The following BRI3 variants were observed in gnomAD, a reference collection of about 807,000 sequenced individuals.
BRI3 encodes the protein membrane protein BRI3.
Under a neutral mutation model 12.8 loss-of-function variants are expected in BRI3, and 6 were observed. The observed-to-expected ratio is 0.47, with a 90% CI of 0.26 to 0.93. BRI3 has a LOEUF of 0.93. Ranked by LOEUF, BRI3 falls within the 40% of genes least tolerant of loss-of-function variation. The pLI is 0.15. For missense variants in BRI3, 134 were observed against 171.1 expected (o/e 0.78, Z 1.21); for synonymous variants, 91 against 76.1 (o/e 1.20, Z -1.02).
chr7:98,295,834 C>T (rs1800166412), downstream of BRI3, among the ~76,000 whole-genome samples: 1 of 152,192 alleles, frequency 6.6e-6, no homozygotes, highest in Non-Finnish European at 1.5e-5. Context: ...CCAGTAAATC[C>T]TCACAAAGAA....
At chr7:98,282,295 C>T (rs572872033) in intron 1 of BRI3, 56 bp from the exon 2 acceptor site, 2 of 1,416,994 alleles carry the variant, frequency 1.4e-6, no homozygotes, top group African/African-American at 1.4e-5. Flanking sequence ...GAGTAGTCCC[C>T]GTGGCGGTCC....
chr7:98,287,467 A>G (rs780569353), intron 2 of BRI3, among the ~76,000 whole-genome samples: 16 of 152,112 alleles, frequency 1.1e-4, no homozygotes, highest in Non-Finnish European at 1.6e-4. Context: ...GGGTCAGCAC[A>G]TTAGGTTTGG....
chr7:98,294,168 T>C (rs1800088035), downstream of BRI3: 5 of 1,569,946 alleles, frequency 3.2e-6, no homozygotes, highest in Non-Finnish European at 4.4e-6. Flanking sequence ...TTAAAAATTA[T>C]TTTAGGTAGA....
At chr7:98,286,963 A>G (rs1799730507) in intron 2 of BRI3, among the ~76,000 whole-genome samples, 1 of 152,124 alleles carries the variant, frequency 6.6e-6, no homozygotes, top group African/African-American at 2.4e-5. Flanking sequence ...CCTGGGGGGT[A>G]GGGAATGCTG....
chr7:98,316,669 C>A, the BRI3 span, among the ~76,000 whole-genome samples: 2 of 152,124 alleles, frequency 1.3e-5, no homozygotes, highest in East Asian at 3.9e-4. Context: ...TGAAATAATG[C>A]ATCGCTGTTA....
chr7:98,310,302 C>G lies in BRI3; in HGVS notation n.2932C>G. 4.6e-6 allele frequency: 4 copies of G among 866,860 alleles called. No individual in the cohort carries two copies. The South Asian group carries it at 7.5e-5, about 16-fold the overall frequency. 53.7% of individuals were successfully genotyped at this position (866,860 alleles called of 1,614,324 possible). A position where few individuals can be genotyped will look rare whatever the true frequency, so the allele number is the denominator to read the frequency against. ...GTATTTCTTCTGAACTCACGCTCTG[C>G]AAAGCCAGGGCTGAATGTATCTACC... On this transcript the variant is annotated non_coding_transcript_exon_variant, in exon 2 of 2. Coordinates refer to the BRI3 transcript ENST00000485422.
At chr7:98,291,589 T>G (rs890831865), downstream of BRI3, 1 of 1,046,850 alleles carries the variant, frequency 9.6e-7, no homozygotes, top group African/African-American at 1.7e-5. Flanking sequence ...GACACCCCCA[T>G]CGCTCCCCCG....
chr7:98,312,726 T>A (rs187029981), downstream of BRI3, among the ~76,000 whole-genome samples: 1 of 146,434 alleles, frequency 6.8e-6, no homozygotes, highest in Admixed American at 7.0e-5. Context: ...AATCAGACAC[T>A]GTCCTGAGAG....
chr7:98,315,929 A>C, the BRI3 span, among the ~76,000 whole-genome samples: 1 of 152,182 alleles, frequency 6.6e-6, no homozygotes, highest in African/African-American at 2.4e-5. Flanking sequence ...TGGAACCAGA[A>C]AGTTCCAGGT....
At chr7:98,316,844 C>T in the BRI3 span, among the ~76,000 whole-genome samples, 1 of 152,080 alleles carries the variant, frequency 6.6e-6, no homozygotes. Flanking sequence ...CTACTCCCCA[C>T]TTCCATGAGA....
At chr7:98,282,148 C>A (rs997108830) in intron 1 of BRI3, among the ~76,000 whole-genome samples, 2 of 152,188 alleles carry the variant, frequency 1.3e-5, no homozygotes, top group African/African-American at 4.8e-5. Flanking sequence ...GGGGCCGGAT[C>A]CCTGCCCCAG....
At chr7:98,294,141 G>A, downstream of BRI3, 1 of 1,610,930 alleles carries the variant, frequency 6.2e-7, no homozygotes, top group Non-Finnish European at 8.5e-7. Context: ...GTTTATGGAG[G>A]GCTTAGAATT....
upstream of BRI3, among the ~76,000 whole-genome samples, chr7:98,303,650 G>C (rs1231268377): frequency 1.3e-5 from 2 of 152,196 alleles, no homozygotes; most frequent in African/African-American, 4.8e-5. Context: ...GGGAATGGAT[G>C]AACTGGTTCC....
downstream of BRI3, chr7:98,310,634 G>A: frequency 6.9e-7 from 1 of 1,445,772 alleles, no homozygotes; most frequent in Non-Finnish European, 9.2e-7. Flanking sequence ...GTATAGTGCA[G>A]AACCGGAATT....
chr7:98,307,538 C>T (rs1014516782), exon 2 of BRI3: 49 of 1,457,104 alleles, frequency 3.4e-5, no homozygotes, highest in Non-Finnish European at 4.1e-5. Flanking sequence ...AGCCTGGGAT[C>T]GAATAACTTC....
At chr7:98,321,673 A>G in the BRI3 span, among the ~76,000 whole-genome samples, 3 of 152,154 alleles carry the variant, frequency 2.0e-5, no homozygotes, top group African/African-American at 7.2e-5. Context: ...CGGGTTTCCT[A>G]GGGTCTGACA....
intron 1 of BRI3, among the ~76,000 whole-genome samples, chr7:98,298,881 A>C (rs1328829366): frequency 6.6e-6 from 1 of 151,858 alleles, no homozygotes; most frequent in Non-Finnish European, 1.5e-5. Context: ...TTGCTCTGTC[A>C]CCCAGGCTGC....
chr7:98,293,684 TGA>T (rs1483985658), downstream of BRI3: 1 of 1,341,780 alleles, frequency 7.5e-7, no homozygotes, highest in African/African-American at 1.4e-5. Flanking sequence ...TCTTGCCCTG[TGA>T]GACTGGGCGG....
At chr7:98,319,706 T>C in the BRI3 span, among the ~76,000 whole-genome samples, 1 of 151,942 alleles carries the variant, frequency 6.6e-6, no homozygotes, top group Non-Finnish European at 1.5e-5. Flanking sequence ...ACCACCATGC[T>C]CAGCTAATTT....
Sources: allele counts gnomAD v4.1 joint callset (sites outside exome capture counted in the v4.1 genomes callset), GRCh38; gene constraint gnomAD v4.1.1; transcripts MANE v1.5; gene names NCBI Gene and HGNC (gene_info 2026-07-23, HGNC 2026-07-21).